The following HDAC8 variants were observed in gnomAD, a reference collection of about 807,000 sequenced individuals.
HDAC8 encodes the protein histone deacetylase-like 1.
HDAC8 carries 1 observed loss-of-function variant against 32.2 expected under a neutral mutation model. The observed-to-expected ratio is 0.03, with a 90% confidence interval of 0.01 to 0.15. The LOEUF (loss-of-function observed/expected upper bound fraction) is 0.15. Ranked by LOEUF, HDAC8 falls within the 10% of genes least tolerant of loss-of-function variation. The pLI, the probability that HDAC8 is intolerant of heterozygous loss-of-function variation, is 1.00. For synonymous variants in HDAC8, 108 were observed against 113.9 expected (o/e 0.95, Z 0.33); for missense variants, 117 against 300.0 (o/e 0.39, Z 4.51).
rs782377649 is a variant in HDAC8 at position 72,572,682 on chromosome X, A to G, written c.80T>C (p.Met27Thr). 9.2e-6 allele frequency: 11 copies of G among 1,191,933 alleles called. No individual in the cohort carries two copies. Among genetic ancestry groups the G allele is most frequent in the African/African-American group, 1.9e-5 (1 of 53,043 alleles). Residue 27 changes from methionine (M) to threonine (T), a missense_variant, in exon 1 of 11, where the codon ATG (methionine) becomes ACG (threonine). Transcript: ENST00000373573. ...GGGGATCTTGGCCAGGGAGTCACAC[A>G]TACTGACATACTCGGGACTATAGAT... ...VYIYSPEYVS[M>T]CDSLAKIPKR...
chrX:72,486,464 C>T (rs1375087064), intron 7 of HDAC8, among the ~76,000 whole-genome samples: 4 of 112,334 alleles, frequency 3.6e-5, no homozygotes, highest in African/African-American at 1.3e-4. Flanking sequence ...TTTCACAATT[C>T]ATTCTCAAGA....
rs782490055 is a variant in HDAC8 at position 72,440,783 on chromosome X, A to G, written c.1005+21221T>C. Among the ~76,000 whole-genome samples, 8 of 112,033 alleles carry G rather than the reference A, an allele frequency of 7.1e-5. No homozygotes were observed. The South Asian group carries it at 3.0e-3, about 43-fold the overall frequency. On this transcript the variant is annotated intron_variant, in intron 9 of 10. Transcript: ENST00000373573. ...TCAGGGAGTTCCCTTTCCTACTCAA[A>G]GAAAGGGGTGACAGACAGCACCTGG...
At chrX:72,565,369 C>T (rs2051740929) in intron 4 of HDAC8, among the ~76,000 whole-genome samples, 1 of 112,252 alleles carries the variant, frequency 8.9e-6, no homozygotes. Context: ...TCTAGTTATG[C>T]CAAGAACACC....
intron 9 of HDAC8, among the ~76,000 whole-genome samples, chrX:72,461,715 T>C (rs1388798494): frequency 8.9e-6 from 1 of 111,841 alleles, no homozygotes; most frequent in African/African-American, 3.3e-5. Context: ...AATATGCACA[T>C]ATTCCAAAGA....
chrX:72,440,509 C>A (rs1555981224), intron 9 of HDAC8, among the ~76,000 whole-genome samples: 1 of 111,537 alleles, frequency 9.0e-6, no homozygotes, highest in Non-Finnish European at 1.9e-5. Flanking sequence ...ACACAAAAAA[C>A]CCTTCAAAAA....
At chrX:72,496,783 GA>G (rs201655109) in intron 4 of HDAC8, among the ~76,000 whole-genome samples, 1,377 of 72,649 alleles carry the variant, frequency 0.019, 22 homozygotes, top group African/African-American at 0.044. Flanking sequence ...CATAAACACA[GA>G]AAAAAAAAAA....
intron 9 of HDAC8, among the ~76,000 whole-genome samples, chrX:72,433,281 T>G (rs183052220): frequency 9.0e-6 from 1 of 111,215 alleles, no homozygotes; most frequent in Non-Finnish European, 1.9e-5. Context: ...CCAAGGATGC[T>G]GCTCAGCATC....
intron 9 of HDAC8, among the ~76,000 whole-genome samples, chrX:72,436,597 A>T (rs1347264233): frequency 1.8e-5 from 2 of 110,337 alleles, no homozygotes; most frequent in Non-Finnish European, 3.8e-5. Context: ...CTAAACAGAA[A>T]GGAAATGATA....
intron 9 of HDAC8, among the ~76,000 whole-genome samples, chrX:72,412,963 T>C (rs1288610723): frequency 9.0e-6 from 1 of 111,704 alleles, no homozygotes; most frequent in East Asian, 2.8e-4. Context: ...ATGGCTTCTT[T>C]ACTTCTTTAG....
intron 9 of HDAC8, among the ~76,000 whole-genome samples, chrX:72,449,881 C>T (rs2047526681): frequency 8.9e-6 from 1 of 111,942 alleles, no homozygotes; most frequent in African/African-American, 3.2e-5. Flanking sequence ...TTAAAAACAA[C>T]ACACCTATTC....
chrX:72,389,928 G>A (rs1438187565), intron 9 of HDAC8, among the ~76,000 whole-genome samples: 5 of 111,796 alleles, frequency 4.5e-5, no homozygotes, highest in African/African-American at 1.6e-4. Flanking sequence ...ACCATGGGGG[G>A]CAGGGATGTG....
intron 9 of HDAC8, among the ~76,000 whole-genome samples, chrX:72,428,568 G>GA (rs1289371848): frequency 8.9e-6 from 1 of 112,028 alleles, no homozygotes; most frequent in African/African-American, 3.2e-5. Context: ...TGAGTGGTCT[G>GA]AAAGATTAGC....
chrX:72,455,449 G>GA (rs1379998028), intron 9 of HDAC8, among the ~76,000 whole-genome samples: 1 of 111,415 alleles, frequency 9.0e-6, no homozygotes, highest in Non-Finnish European at 1.9e-5. Flanking sequence ...TTGTCTTGAG[G>GA]AAAAGCATGT....
At chrX:72,446,051 A>G (rs1555984618) in intron 9 of HDAC8, among the ~76,000 whole-genome samples, 1 of 111,950 alleles carries the variant, frequency 8.9e-6, no homozygotes, top group Non-Finnish European at 1.9e-5. Flanking sequence ...GCTGGAGAGG[A>G]TGTGGAGAAA....
chrX:72,360,459 C>G (rs184880841), intron 9 of HDAC8, among the ~76,000 whole-genome samples: 2 of 112,331 alleles, frequency 1.8e-5, no homozygotes, highest in Admixed American at 1.9e-4. Flanking sequence ...CTACTTTTTC[C>G]TAAAAATTAT....
At chrX:72,349,396 C>T (rs945081098) in intron 10 of HDAC8, among the ~76,000 whole-genome samples, 3 of 112,270 alleles carry the variant, frequency 2.7e-5, no homozygotes, top group African/African-American at 9.7e-5. Context: ...TACTGAGCTC[C>T]GAGTTGACTC....
At position 72,572,765 on chromosome X, in the gene HDAC8, C is replaced by G. The variant is rs782552797; in HGVS notation, c.-4G>C. 1.7e-6 allele frequency: 2 copies of G among 1,197,833 alleles called. No homozygotes were observed. The highest frequency in any genetic ancestry group is 2.2e-5 in the Admixed American group (1 of 45,680). On this transcript the variant is annotated 5_prime_UTR_variant, in exon 1 of 11. Transcript: ENST00000373573. ...CCGGTTCCTCCGGCTCCTCCATCTTCCGCTTAAAACCGTTCCGCAGCCACC... is the reference window on the plus strand; with the variant it reads ...CCGGTTCCTCCGGCTCCTCCATCTTGCGCTTAAAACCGTTCCGCAGCCACC...
intron 4 of HDAC8, among the ~76,000 whole-genome samples, chrX:72,508,301 T>G (rs2049458491): frequency 8.9e-6 from 1 of 112,071 alleles, no homozygotes; most frequent in African/African-American, 3.2e-5. Context: ...GATTACCCTG[T>G]GCCAGGAACT....
In HDAC8 at chrX:72,452,218, G is replaced by A. The variant is rs181378659; in HGVS notation, c.1005+9786C>T. On this transcript the variant is annotated intron_variant, in intron 9 of 10. Transcript: ENST00000373573. ...TGCCTGTAATCCCAGCACTTTGGGA[G>A]GCTGAGGCTGGCGGATCACTTGAGG... Among the ~76,000 whole-genome samples the A allele has an allele frequency of 2.7e-3, 298 of 112,299 alleles. 1 individual carries two copies. The highest frequency in any genetic ancestry group is 3.9e-3 in the Non-Finnish European group (209 of 53,236).
Sources: gnomAD v4.1 joint callset for allele counts (sites outside exome capture counted in the v4.1 genomes callset) on GRCh38, gnomAD v4.1.1 for gene constraint, MANE v1.5 for transcripts, NCBI Gene and HGNC (gene_info 2026-07-23, HGNC 2026-07-21) for gene names.